The following CYP7B1 variants were observed in gnomAD, a reference collection of about 807,000 sequenced individuals.
The protein encoded by CYP7B1 is cytochrome P450 family 7 subfamily B member 1.
CYP7B1 carries 29 observed loss-of-function variants against 42.7 expected under a neutral mutation model. The observed-to-expected ratio is 0.68, with a 90% confidence interval of 0.51 to 0.93. The LOEUF (loss-of-function observed/expected upper bound fraction) is 0.93, where lower values mean the gene tolerates loss of function less well. Among genes scored for constraint, CYP7B1 ranks in the 40% least tolerant of loss-of-function variants. The pLI is 0.00. For synonymous variants in CYP7B1, 235 were observed against 218.2 expected (o/e 1.08, Z -0.68); for missense variants, 655 against 600.5 (o/e 1.09, Z -0.95).
intron 1 of CYP7B1, among the ~76,000 whole-genome samples, chr8:64,792,521 GTATT>G (rs1177664811): frequency 3.9e-5 from 6 of 152,138 alleles, no homozygotes; most frequent in Non-Finnish European, 8.8e-5. Flanking sequence ...TTTGTACTGA[GTATT>G]TAATCAATTG....
chr8:64,629,561 G>GAT (rs1805659010), intron 1 of CYP7B1, among the ~76,000 whole-genome samples: 1 of 151,240 alleles, frequency 6.6e-6, no homozygotes, highest in Non-Finnish European at 1.5e-5. Flanking sequence ...CTACACAACT[G>GAT]ATATACATTA....
intron 1 of CYP7B1, among the ~76,000 whole-genome samples, chr8:64,756,169 T>TC (rs1026058250): frequency 3.3e-5 from 5 of 151,892 alleles, no homozygotes; most frequent in African/African-American, 9.7e-5. Context: ...TTCCCTCATT[T>TC]CCCCCCCTCT....
At chr8:64,652,887 A>G (rs1303873173) in intron 1 of CYP7B1, among the ~76,000 whole-genome samples, 1 of 152,062 alleles carries the variant, frequency 6.6e-6, no homozygotes, top group African/African-American at 2.4e-5. Context: ...AAAAAACAAC[A>G]ACATGCTCCC....
chr8:64,614,150 A>G (rs1805400091), intron 4 of CYP7B1, among the ~76,000 whole-genome samples: 1 of 152,170 alleles, frequency 6.6e-6, no homozygotes, highest in African/African-American at 2.4e-5. Flanking sequence ...TAACTTTGGC[A>G]GTAGAAGTTC....
In CYP7B1 at chr8:64,722,752, G is replaced by C. The variant is rs995735166; in HGVS notation, c.122+75714C>G. ...GAATGATTTTTTGCGGCGGGGGGGGGGGGGCGGGAGGTTTTTTTTTATTAT... is the reference window on the plus strand; with the variant it reads ...GAATGATTTTTTGCGGCGGGGGGGGCGGGGCGGGAGGTTTTTTTTTATTAT... On this transcript the variant is annotated intron_variant, in intron 1 of 5. Coordinates refer to ENST00000310193, the MANE Select transcript of CYP7B1 (RefSeq NM_004820.5). Among the ~76,000 whole-genome samples the C allele has an allele frequency of 3.1e-5, 3 of 97,366 alleles. 1 individual carries two copies. The highest frequency in any genetic ancestry group is 5.9e-5 in the Non-Finnish European group (3 of 51,022). 63.9% of individuals were successfully genotyped at this position (97,366 alleles called of 152,430 possible).
chr8:64,735,674 G>T (rs560453417), intron 1 of CYP7B1, among the ~76,000 whole-genome samples: 4 of 152,136 alleles, frequency 2.6e-5, no homozygotes, highest in African/African-American at 9.6e-5. Context: ...GGAAGGGGGA[G>T]GTCCCAGCAA....
Position 64,665,559 on chromosome 8 carries a change from G to GTTTTTTTTTTTTTT in CYP7B1, c.123-41034_123-41021dup, listed in dbSNP as rs540578806. On this transcript the variant is annotated intron_variant, in intron 1 of 5. Transcript: ENST00000310193. ...ATTTTAAGTGTTTTTTTTTTTGGTGGTTTTTTTTTTTTTTTTTTTTTTTTT... is the reference window on the plus strand; with the variant it reads ...ATTTTAAGTGTTTTTTTTTTTGGTGGTTTTTTTTTTTTTTTTTTTTTTTTTTTTTTTTTTTTTTT... 1.5e-4 allele frequency among the ~76,000 whole-genome samples: 8 copies of GTTTTTTTTTTTTTT among 52,022 alleles called. 1 individual carries two copies. Among genetic ancestry groups the GTTTTTTTTTTTTTT allele is most frequent in the Admixed American group, 3.5e-4 (1 of 2,820 alleles). 34.1% of individuals were successfully genotyped at this position (52,022 alleles called of 152,430 possible). A position where few individuals can be genotyped will look rare whatever the true frequency, so the allele number is the denominator to read the frequency against.
intron 1 of CYP7B1, among the ~76,000 whole-genome samples, chr8:64,777,375 C>T (rs552843263): frequency 6.6e-6 from 1 of 151,974 alleles, no homozygotes; most frequent in African/African-American, 2.4e-5. Flanking sequence ...AAAATATGCT[C>T]AAGCCTCAGC....
chr8:64,688,596 T>C (rs1030655514), intron 1 of CYP7B1, among the ~76,000 whole-genome samples: 14 of 152,216 alleles, frequency 9.2e-5, no homozygotes, highest in African/African-American at 3.4e-4. Flanking sequence ...TGCAAGTTAT[T>C]TGGGTTCTGG....
At chr8:64,740,889 C>G in intron 1 of CYP7B1, among the ~76,000 whole-genome samples, 1 of 152,016 alleles carries the variant, frequency 6.6e-6, no homozygotes, top group Non-Finnish European at 1.5e-5. Context: ...AGCACCAGGA[C>G]CAGATGATAT....
intron 1 of CYP7B1, among the ~76,000 whole-genome samples, chr8:64,745,790 C>A (rs1031514193): frequency 6.6e-6 from 1 of 152,156 alleles, no homozygotes; most frequent in South Asian, 2.1e-4. Flanking sequence ...ATGATTGGTA[C>A]AAACAATAGT....
chr8:64,789,570 T>G (rs1804584519), intron 1 of CYP7B1, among the ~76,000 whole-genome samples: 1 of 152,204 alleles, frequency 6.6e-6, no homozygotes, highest in African/African-American at 2.4e-5. Context: ...GCAGCGGTTC[T>G]CTACCCTCAC....
intron 1 of CYP7B1, among the ~76,000 whole-genome samples, chr8:64,736,638 A>G (rs565428930): frequency 6.6e-6 from 1 of 152,002 alleles, no homozygotes; most frequent in African/African-American, 2.4e-5. Context: ...TTTAGTAGAG[A>G]TGGGGTTTCA....
At position 64,624,486 on chromosome 8, in the gene CYP7B1, A is replaced by G. The variant is rs369433292; in HGVS notation, c.176T>C (p.Val59Ala). The G allele has an allele frequency of 2.5e-6, 4 of 1,613,472 alleles. No homozygotes were observed. Among genetic ancestry groups the G allele is most frequent in the East Asian group, 2.2e-5 (1 of 44,860 alleles). The change falls in exon 2 of 6, where the codon GTC (valine) becomes GCC (alanine). Residue 59 changes from valine (V) to alanine (A), a missense_variant. Transcript: ENST00000310193. ...TAAGGGGTCTTTTCGTAAGTTCAGG[A>G]CCACTCCAAGATAAGGAAGCCAACC... Reference protein sequence around the residue: ...IKGWLPYLGVVLNLRKDPLRF... With the variant: ...IKGWLPYLGVALNLRKDPLRF...
chr8:64,605,655 G>C (rs1037628739), intron 4 of CYP7B1, among the ~76,000 whole-genome samples: 1 of 152,118 alleles, frequency 6.6e-6, no homozygotes, highest in Non-Finnish European at 1.5e-5. Context: ...GCATATCAGC[G>C]TGTAGCTCCT....
intron 1 of CYP7B1, among the ~76,000 whole-genome samples, chr8:64,717,638 A>G (rs1477039839): frequency 6.6e-6 from 1 of 152,038 alleles, no homozygotes; most frequent in Admixed American, 6.6e-5. Context: ...GGATTGCTTG[A>G]GCCCAGGAGT....
At chr8:64,665,933 A>T (rs1196130894) in intron 1 of CYP7B1, among the ~76,000 whole-genome samples, 1 of 152,162 alleles carries the variant, frequency 6.6e-6, no homozygotes, top group East Asian at 1.9e-4. Flanking sequence ...GGTCTCACAA[A>T]CACAGAAAAG....
At chr8:64,740,288 T>C (rs1009809437) in intron 1 of CYP7B1, among the ~76,000 whole-genome samples, 2 of 152,006 alleles carry the variant, frequency 1.3e-5, no homozygotes, top group African/African-American at 2.4e-5. Context: ...CTCCACATAT[T>C]TGCGAATTAA....
chr8:64,614,622 G>A (rs1286757750), intron 4 of CYP7B1, among the ~76,000 whole-genome samples: 2 of 152,042 alleles, frequency 1.3e-5, no homozygotes, highest in Non-Finnish European at 1.5e-5. Flanking sequence ...ATCATTTTAG[G>A]GAAGAAATAC....
Sources: gnomAD v4.1 joint callset for allele counts (sites outside exome capture counted in the v4.1 genomes callset) on GRCh38, gnomAD v4.1.1 for gene constraint, MANE v1.5 for transcripts, NCBI Gene and HGNC (gene_info 2026-07-23, HGNC 2026-07-21) for gene names.